Variants in JPH3 observed in about 807,000 individuals in gnomAD.
The protein encoded by JPH3 is junctophilin 3.
In JPH3, 11 loss-of-function variants were observed where a neutral mutation model predicts 59.6. The ratio of observed to expected loss-of-function variants is 0.18; its 90% CI spans 0.12 to 0.31. The LOEUF (loss-of-function observed/expected upper bound fraction) is 0.31, where lower values mean the gene tolerates loss of function less well. Ranked by LOEUF, JPH3 falls within the 10% of genes least tolerant of loss-of-function variation. JPH3 has a pLI of 1.00. For missense variants in JPH3, 1,202 were observed against 1,105.7 expected, an observed-to-expected ratio of 1.09 and a Z score of -1.24; for synonymous variants, 673 against 483.6, an observed-to-expected ratio of 1.39 and a Z score of -5.14.
At position 87,631,046 on chromosome 16, in the gene JPH3, C is replaced by G. The variant is rs77202642; in HGVS notation, c.383-13212C>G. 5.1e-3 allele frequency among the ~76,000 whole-genome samples: 779 copies of G among 152,228 alleles called. 7 individuals carry two copies. Among genetic ancestry groups the G allele is most frequent in the African/African-American group, 0.018 (736 of 41,522 alleles). ...TTCAGTTGCAATTTTCTTTAAATCA[C>G]TGGTTCTTTTTTCACCTTCCAACTG... On this transcript the variant is annotated intron_variant, in intron 1 of 4. Coordinates refer to ENST00000284262, the MANE Select transcript of JPH3 (RefSeq NM_020655.4).
In JPH3 at chr16:87,602,723, G is replaced by C. The variant is rs1375539297; in HGVS notation, c.-424G>C. On this transcript the variant is annotated 5_prime_UTR_variant, in exon 1 of 5. Transcript: ENST00000284262. ...CGCCCGCAGCGCGGCAGCCGCAGGT[G>C]GGGGGCCGCGGCCCGGGCCTGAGCT... is the stretch of plus-strand genomic sequence containing the variant. Among the ~76,000 whole-genome samples the C allele has an allele frequency of 1.5e-5, 2 of 134,872 alleles. No homozygotes were observed. Among genetic ancestry groups the C allele is most frequent in the African/African-American group, 5.4e-5 (2 of 37,148 alleles). The allele number at this position is 134,872 out of a possible 152,430, so 88.5% of individuals were successfully genotyped here.
intron 2 of JPH3, among the ~76,000 whole-genome samples, chr16:87,679,060 C>T (rs911586597): frequency 2.6e-5 from 4 of 152,214 alleles, no homozygotes; most frequent in Non-Finnish European, 5.9e-5. Flanking sequence ...CTCAAATCCT[C>T]CCCATCTTGC....
chr16:87,679,475 G>C (rs549713877), intron 2 of JPH3, among the ~76,000 whole-genome samples: 1 of 152,164 alleles, frequency 6.6e-6, no homozygotes. Flanking sequence ...TCCTGGCACC[G>C]GCAGAAAAGC....
chr16:87,643,547 C>G (rs1023579643), intron 1 of JPH3, among the ~76,000 whole-genome samples: 3 of 152,226 alleles, frequency 2.0e-5, no homozygotes, highest in African/African-American at 7.2e-5. Flanking sequence ...GCAGCCCATT[C>G]AGGGCTTAGT....
intron 1 of JPH3, among the ~76,000 whole-genome samples, chr16:87,612,835 A>G (rs921657028): frequency 4.6e-5 from 7 of 151,822 alleles, no homozygotes; most frequent in African/African-American, 1.7e-4. Context: ...TGGCTAACAC[A>G]GTGAAACCCC....
At chr16:87,664,080 C>T (rs188066678) in intron 2 of JPH3, among the ~76,000 whole-genome samples, 2 of 148,192 alleles carry the variant, frequency 1.3e-5, no homozygotes, top group African/African-American at 2.5e-5. Flanking sequence ...GCCTGTAATC[C>T]CAGCACTTTG....
Position 87,697,627 on chromosome 16 carries a change from C to T in JPH3, c.*967C>T, listed in dbSNP as rs1396932285. 1 of 152,328 alleles carries T rather than the reference C, an allele frequency of 6.6e-6. No homozygotes were observed. Among genetic ancestry groups the T allele is most frequent in the Non-Finnish European group, 1.5e-5 (1 of 68,118 alleles). The allele number at this position is 152,328 out of a possible 1,614,324, so 9.4% of individuals were successfully genotyped here. A position where few individuals can be genotyped will look rare whatever the true frequency, so the allele number is the denominator to read the frequency against. On this transcript the variant is annotated 3_prime_UTR_variant, in exon 5 of 5. Transcript: ENST00000284262. Reference sequence around the variant, plus strand: ...GGGTTTTCACATCTCTGTACTGTGCCTGCCTCAACTTCCCCTAACAGATAT... The same window carrying T: ...GGGTTTTCACATCTCTGTACTGTGCTTGCCTCAACTTCCCCTAACAGATAT...
rs1373967675 is a variant in JPH3, at chr16:87,696,611, T to C, written c.2198T>C (p.Ile733Thr). Residue 733 changes from isoleucine (I) to threonine (T), a missense_variant, in exon 5 of 5, where the codon ATC becomes ACC. Ile to Thr is a moderately conservative substitution (Grantham distance 89). Transcript: ENST00000284262. ...GSAPILVVMV[I>T]LLNIGVAILF... The stretch of plus-strand genomic sequence containing the variant: ...GCGCCTATCCTGGTGGTCATGGTGA[T>C]CTTGCTCAACATCGGAGTCGCCATT... The C allele has an allele frequency of 6.2e-7, 1 of 1,613,682 alleles. No homozygotes were observed. Among genetic ancestry groups the C allele is most frequent in the South Asian group, 1.1e-5 (1 of 91,076 alleles).
At chr16:87,685,708 C>T (rs2033401106) in intron 3 of JPH3, among the ~76,000 whole-genome samples, 1 of 152,352 alleles carries the variant, frequency 6.6e-6, no homozygotes, top group Non-Finnish European at 1.5e-5. Flanking sequence ...CACGTACCAA[C>T]CCTGGCCCAT....
At chr16:87,661,910 A>G (rs1315208034) in intron 2 of JPH3, among the ~76,000 whole-genome samples, 1 of 152,230 alleles carries the variant, frequency 6.6e-6, no homozygotes, top group African/African-American at 2.4e-5. Context: ...CTCACGTCCC[A>G]TCTGCTGAGG....
At chr16:87,623,364 G>A (rs529078086) in intron 1 of JPH3, among the ~76,000 whole-genome samples, 118 of 152,286 alleles carry the variant, frequency 7.7e-4, no homozygotes, top group African/African-American at 2.5e-3. Context: ...CAGGGTGGGC[G>A]TGAGGCTCAT....
chr16:87,621,584 A>G (rs11862609), intron 1 of JPH3, among the ~76,000 whole-genome samples: 48,677 of 152,138 alleles, frequency 0.32, 8,101 homozygotes, highest in African/African-American at 0.37. Context: ...GCCGCCAGCC[A>G]GGAGCAATTG....
At chr16:87,671,495 T>A (rs2033014143) in intron 2 of JPH3, among the ~76,000 whole-genome samples, 1 of 152,154 alleles carries the variant, frequency 6.6e-6, no homozygotes, top group Non-Finnish European at 1.5e-5. Flanking sequence ...CCTGCTCCTA[T>A]CCACCATGGT....
At chr16:87,654,288 C>G (rs1017258974) in intron 2 of JPH3, 1 of 152,186 alleles carries the variant, frequency 6.6e-6, no homozygotes, top group East Asian at 1.9e-4. Context: ...GTTGGCTGCT[C>G]CCTTTTTTCA....
intron 1 of JPH3, among the ~76,000 whole-genome samples, chr16:87,643,977 A>G (rs1002718980): frequency 2.6e-5 from 4 of 152,162 alleles, no homozygotes; most frequent in Non-Finnish European, 4.4e-5. Context: ...ATCTCTACAA[A>G]TAATTTACAA....
chr16:87,614,834 T>C lies in JPH3; in HGVS notation c.382+11306T>C, dbSNP rs12918135. ...TGGTCCCTGCACACGTGAGGAGCTG[T>C]GCGTCCCTTCCCGGGATAAACGCTG... On this transcript the variant is annotated intron_variant, in intron 1 of 4. Coordinates refer to ENST00000284262, the MANE Select transcript of JPH3 (RefSeq NM_020655.4). Among the ~76,000 whole-genome samples, 6 of 141,066 alleles carry C rather than the reference T, an allele frequency of 4.3e-5. No individual in the cohort carries two copies. The East Asian group carries it at 6.5e-4, about 15-fold the overall frequency. The allele number at this position is 141,066 out of a possible 152,430, so 92.5% of individuals were successfully genotyped here.
chr16:87,605,191 G>T (rs966453335), intron 1 of JPH3, among the ~76,000 whole-genome samples: 4 of 152,190 alleles, frequency 2.6e-5, no homozygotes, highest in Non-Finnish European at 4.4e-5. Context: ...TGCAGGCCGG[G>T]CTCACGCAGG....
In JPH3 at chr16:87,698,121, G is replaced by GAAAT. The variant is rs1157772044; in HGVS notation, c.*1465_*1468dup. 3 of 152,662 alleles carry GAAAT rather than the reference G, an allele frequency of 2.0e-5. No homozygotes were observed. Among genetic ancestry groups the GAAAT allele is most frequent in the East Asian group, 3.9e-4 (2 of 5,190 alleles). 9.5% of individuals were successfully genotyped at this position (152,662 alleles called of 1,614,324 possible). ...CACTGGATTGCTATATTTTTAACCA[G>GAAAT]AAATAAACTAAAGATTAGAGCATGT... is the stretch of plus-strand genomic sequence containing the variant. On this transcript the variant is annotated 3_prime_UTR_variant, in exon 5 of 5. Coordinates refer to ENST00000284262, the MANE Select transcript of JPH3 (RefSeq NM_020655.4).
intron 1 of JPH3, among the ~76,000 whole-genome samples, chr16:87,643,136 C>G (rs562565876): frequency 5.9e-5 from 9 of 152,310 alleles, no homozygotes; most frequent in East Asian, 1.9e-4. Context: ...ATGGAATCAT[C>G]CGATATGTGG....
Sources: gnomAD v4.1 joint callset for allele counts (sites outside exome capture counted in the v4.1 genomes callset) on GRCh38, gnomAD v4.1.1 for gene constraint, MANE v1.5 for transcripts, NCBI Gene and HGNC (gene_info 2026-07-23, HGNC 2026-07-21) for gene names.